The following ZNF365 variants were observed in gnomAD, a reference collection of about 807,000 sequenced individuals.
The protein encoded by ZNF365 is zinc finger protein 365.
ZNF365 carries 22 observed loss-of-function variants against 35.0 expected under a neutral mutation model. The observed-to-expected ratio is 0.63, with a 90% CI of 0.45 to 0.90. ZNF365 has a LOEUF of 0.90. ZNF365 is among the 40% of genes least tolerant of loss of function. The pLI, the probability that ZNF365 is intolerant of heterozygous loss-of-function variation, is 0.00. For synonymous variants in ZNF365, 188 were observed against 196.2 expected, an observed-to-expected ratio of 0.96 and a Z score of 0.35; for missense variants, 448 against 500.3, an observed-to-expected ratio of 0.90 and a Z score of 1.00.
intron 3 of ZNF365, among the ~76,000 whole-genome samples, chr10:62,459,094 C>CAAT (rs1207890651): frequency 2.0e-5 from 3 of 152,086 alleles, no homozygotes; most frequent in Admixed American, 6.6e-5. Context: ...TACTGTATGC[C>CAAT]AATAGTATTC....
chr10:62,376,767 G>A lies in ZNF365; in HGVS notation c.574G>A (p.Ala192Thr), dbSNP rs866613518. The A allele has an allele frequency of 6.2e-7, 1 of 1,614,216 alleles. No homozygotes were observed. Residue 192 changes from alanine to threonine, a missense_variant, in exon 2 of 5, where the codon GCG (alanine) becomes ACG (threonine). By Grantham distance (58) the Ala-to-Thr change is moderately conservative (BLOSUM62 0). Coordinates refer to ENST00000395254, the MANE Select transcript of ZNF365 (RefSeq NM_014951.3). ...CACCAAAGAGTTGGCCCAGAAAACTGCGGAACTGTTGGAAGTTCGGGCAGC... is the reference window on the plus strand; with the variant it reads ...CACCAAAGAGTTGGCCCAGAAAACTACGGAACTGTTGGAAGTTCGGGCAGC... ...KLTKELAQKTAELLEVRAAFV... is the reference protein window; with the variant it reads ...KLTKELAQKTTELLEVRAAFV...
intron 3 of ZNF365, among the ~76,000 whole-genome samples, chr10:62,409,836 C>G (rs1589441004): frequency 6.6e-6 from 1 of 152,140 alleles, no homozygotes; most frequent in Non-Finnish European, 1.5e-5. Flanking sequence ...ATAAGCCAGT[C>G]ATGCAACAGT....
At chr10:62,423,676 G>A (rs78822370) in intron 3 of ZNF365, among the ~76,000 whole-genome samples, 2,597 of 152,170 alleles carry the variant, frequency 0.017, 61 homozygotes, top group East Asian at 0.087. Flanking sequence ...CTACCCAAAA[G>A]GAGCATGTAA....
downstream of ZNF365, among the ~76,000 whole-genome samples, chr10:62,407,322 G>T (rs910378438): frequency 2.6e-5 from 4 of 152,300 alleles, no homozygotes; most frequent in Admixed American, 2.0e-4. Flanking sequence ...CCCCTGAACT[G>T]CTGTATAGAT....
intron 3 of ZNF365, among the ~76,000 whole-genome samples, chr10:62,447,572 G>A (rs1028668023): frequency 1.3e-5 from 2 of 152,194 alleles, no homozygotes; most frequent in Non-Finnish European, 2.9e-5. Flanking sequence ...GAATGGCAAG[G>A]AGGGACCTCA....
intron 3 of ZNF365, among the ~76,000 whole-genome samples, chr10:62,423,394 A>C (rs1016399948): frequency 6.6e-6 from 1 of 152,172 alleles, no homozygotes; most frequent in African/African-American, 2.4e-5. Flanking sequence ...ATTTCACAGG[A>C]TTAGTGCTTT....
chr10:62,406,021 AG>A (rs1839899184), downstream of ZNF365, among the ~76,000 whole-genome samples: 1 of 152,208 alleles, frequency 6.6e-6, no homozygotes, highest in South Asian at 2.1e-4. Flanking sequence ...TTAAAGGGTA[AG>A]GGATACCCGA....
intron 3 of ZNF365, among the ~76,000 whole-genome samples, chr10:62,458,556 G>A (rs746828770): frequency 1.4e-4 from 22 of 152,066 alleles, no homozygotes; most frequent in Non-Finnish European, 8.8e-5. Flanking sequence ...GCATGCACAT[G>A]TGTTTTTTTT....
chr10:62,435,936 T>G (rs1840399906), intron 3 of ZNF365, among the ~76,000 whole-genome samples: 1 of 152,182 alleles, frequency 6.6e-6, no homozygotes, highest in Non-Finnish European at 1.5e-5. Flanking sequence ...AGGCTACCCA[T>G]TCTGACAGTT....
intron 3 of ZNF365, among the ~76,000 whole-genome samples, chr10:62,389,065 A>G (rs1282990382): frequency 6.6e-6 from 1 of 152,204 alleles, no homozygotes; most frequent in Non-Finnish European, 1.5e-5. Flanking sequence ...TAGATTTTCA[A>G]AAAGACTGAA....
At chr10:62,453,390 C>T (rs1320498703) in intron 3 of ZNF365, among the ~76,000 whole-genome samples, 7 of 152,178 alleles carry the variant, frequency 4.6e-5, no homozygotes, top group African/African-American at 1.7e-4. Flanking sequence ...CTGTATTTGT[C>T]TTTCTGTTTC....
intron 3 of ZNF365, among the ~76,000 whole-genome samples, chr10:62,431,639 G>C (rs1439682135): frequency 2.0e-5 from 3 of 152,190 alleles, no homozygotes; most frequent in Admixed American, 6.5e-5. Context: ...GAATGTTTAT[G>C]ATGAGCCTCT....
intron 3 of ZNF365, among the ~76,000 whole-genome samples, chr10:62,420,304 C>T (rs1461274470): frequency 6.6e-6 from 1 of 152,114 alleles, no homozygotes; most frequent in Non-Finnish European, 1.5e-5. Flanking sequence ...TTAGAACATG[C>T]TTGTAAAAAC....
chr10:62,464,273 T>C (rs553196543), intron 4 of ZNF365, among the ~76,000 whole-genome samples: 62 of 152,330 alleles, frequency 4.1e-4, no homozygotes, highest in Middle Eastern at 3.4e-3. Flanking sequence ...TCCAAAAACT[T>C]TCCTGCTATG....
At chr10:62,425,908 T>G (rs1226656648) in intron 3 of ZNF365, among the ~76,000 whole-genome samples, 1 of 152,180 alleles carries the variant, frequency 6.6e-6, no homozygotes, top group Non-Finnish European at 1.5e-5. Context: ...ATTTGACAAA[T>G]ATTTGCTGAA....
chr10:62,381,877 A>C (rs922493880), intron 2 of ZNF365, among the ~76,000 whole-genome samples: 1 of 152,162 alleles, frequency 6.6e-6, no homozygotes, highest in African/African-American at 2.4e-5. Flanking sequence ...TTTGTCCTTC[A>C]TCATTTGCCT....
In ZNF365 at chr10:62,400,227, T is replaced by C; in HGVS notation, c.*438T>C. On this transcript the variant is annotated 3_prime_UTR_variant, in exon 5 of 5. Coordinates refer to ENST00000395254, the MANE Select transcript of ZNF365 (RefSeq NM_014951.3). ...CAGTGTAAAGTTCTGTTAATAGCAGTAAAATGAAAATATTTGTGTTTGTGT... is the reference window on the plus strand; with the variant it reads ...CAGTGTAAAGTTCTGTTAATAGCAGCAAAATGAAAATATTTGTGTTTGTGT... 1.0e-6 allele frequency: 1 copy of C among 991,586 alleles called. No individual in the cohort carries two copies. Among genetic ancestry groups the C allele is most frequent in the Non-Finnish European group, 1.2e-6 (1 of 833,304 alleles). 61.4% of individuals were successfully genotyped at this position (991,586 alleles called of 1,614,324 possible).
intron 2 of ZNF365, among the ~76,000 whole-genome samples, chr10:62,378,396 T>C (rs10995135): frequency 0.5 from 76,122 of 152,092 alleles, 22,448 homozygotes; most frequent in East Asian, 0.78. Context: ...CGAGTAATAA[T>C]GAACATGAGA....
chr10:62,475,895 G>A (rs929349338), intron 4 of ZNF365, among the ~76,000 whole-genome samples: 7 of 152,160 alleles, frequency 4.6e-5, no homozygotes, highest in African/African-American at 1.7e-4. Flanking sequence ...AAAGTTAGCA[G>A]ACTCTTGGCT....
Sources: gnomAD v4.1 joint callset for allele counts (sites outside exome capture counted in the v4.1 genomes callset) on GRCh38, gnomAD v4.1.1 for gene constraint, MANE v1.5 for transcripts, NCBI Gene and HGNC (gene_info 2026-07-23, HGNC 2026-07-21) for gene names.